Variants in SLC8A1 observed in about 807,000 individuals in gnomAD.
The protein encoded by SLC8A1 is sodium/calcium exchanger 1.
In SLC8A1, 18 loss-of-function variants were observed where a neutral mutation model predicts 68.3. The ratio of observed to expected loss-of-function variants is 0.26; its 90% CI spans 0.18 to 0.39. The LOEUF (loss-of-function observed/expected upper bound fraction) is 0.39. Among genes scored for constraint, SLC8A1 ranks in the 10% least tolerant of loss-of-function variants. The probability of loss-of-function intolerance (pLI) is 1.00; values close to 1 mark genes in which losing one functional copy is unlikely to be tolerated. For synonymous variants in SLC8A1, 475 were observed against 415.5 expected (o/e 1.14, Z -1.74); for missense variants, 985 against 1,156.7 (o/e 0.85, Z 2.15).
chr2:40,241,408 C>T (rs1001953880), intron 2 of SLC8A1, among the ~76,000 whole-genome samples: 4 of 148,628 alleles, frequency 2.7e-5, no homozygotes, highest in African/African-American at 9.9e-5. Context: ...ACCTGAATGA[C>T]GAGATCCACA....
At chr2:40,357,838 G>C (rs1246545747) in intron 2 of SLC8A1, among the ~76,000 whole-genome samples, 1 of 152,032 alleles carries the variant, frequency 6.6e-6, no homozygotes, top group Admixed American at 6.6e-5. Context: ...TACAGTTGAT[G>C]GCTTCTCTCT....
chr2:40,417,577 C>A (rs913543942), intron 2 of SLC8A1, among the ~76,000 whole-genome samples: 1 of 152,084 alleles, frequency 6.6e-6, no homozygotes, highest in African/African-American at 2.4e-5. Context: ...GGTGTGATCA[C>A]AGCTCACTGC....
intron 2 of SLC8A1, among the ~76,000 whole-genome samples, chr2:40,289,148 T>G (rs2068851469): frequency 6.6e-6 from 1 of 152,100 alleles, no homozygotes; most frequent in Non-Finnish European, 1.5e-5. Context: ...CAATATCATT[T>G]TCCCCCTTTG....
At chr2:40,279,455 A>T (rs2149177971) in intron 2 of SLC8A1, among the ~76,000 whole-genome samples, 1 of 152,356 alleles carries the variant, frequency 6.6e-6, no homozygotes, top group Non-Finnish European at 1.5e-5. Flanking sequence ...GATCTTTAGT[A>T]TAAGGAGAAG....
At chr2:40,227,342 T>A (rs2148875993) in intron 2 of SLC8A1, among the ~76,000 whole-genome samples, 1 of 152,226 alleles carries the variant, frequency 6.6e-6, no homozygotes, top group East Asian at 1.9e-4. Context: ...CCACACTCTG[T>A]GATCTCACAG....
intron 5 of SLC8A1, among the ~76,000 whole-genome samples, chr2:40,162,611 G>C (rs566691605): frequency 6.6e-6 from 1 of 152,264 alleles, no homozygotes; most frequent in South Asian, 2.1e-4. Flanking sequence ...AGTATAGCCA[G>C]GGTTCTTCCT....
intron 2 of SLC8A1, among the ~76,000 whole-genome samples, chr2:40,187,163 C>G (rs1487789761): frequency 1.3e-5 from 2 of 152,092 alleles, no homozygotes; most frequent in South Asian, 2.1e-4. Flanking sequence ...ATGGGGCATC[C>G]AAGTCCAGAA....
At chr2:40,368,455 G>A (rs1389446676) in intron 2 of SLC8A1, among the ~76,000 whole-genome samples, 1 of 151,830 alleles carries the variant, frequency 6.6e-6, no homozygotes, top group Non-Finnish European at 1.5e-5. Context: ...TCTGTTTAAT[G>A]TTTTGTATGT....
intron 1 of SLC8A1, among the ~76,000 whole-genome samples, chr2:40,483,363 A>G (rs1704763718): frequency 6.6e-6 from 1 of 152,128 alleles, no homozygotes; most frequent in Admixed American, 6.6e-5. Context: ...CCAGAAGCTT[A>G]TAATCTAATA....
At chr2:40,335,702 A>G (rs1344872866) in intron 2 of SLC8A1, among the ~76,000 whole-genome samples, 2 of 152,258 alleles carry the variant, frequency 1.3e-5, no homozygotes, top group Admixed American at 1.3e-4. Context: ...CTTTGCTACA[A>G]ACTACATAGA....
intron 2 of SLC8A1, among the ~76,000 whole-genome samples, chr2:40,369,529 A>C (rs1488025024): frequency 5.9e-5 from 9 of 152,122 alleles, no homozygotes; most frequent in Admixed American, 5.3e-4. Context: ...TTCATCCACC[A>C]GTTGTCTGTG....
intron 1 of SLC8A1, among the ~76,000 whole-genome samples, chr2:40,481,498 G>A (rs1163390178): frequency 1.3e-5 from 2 of 152,104 alleles, no homozygotes; most frequent in Admixed American, 6.5e-5. Context: ...ACTGTTGTAA[G>A]AATGCAACCA....
At chr2:40,253,260 TATATAC>T (rs945364942) in intron 2 of SLC8A1, among the ~76,000 whole-genome samples, 1 of 150,532 alleles carries the variant, frequency 6.6e-6, no homozygotes, top group African/African-American at 2.4e-5. Flanking sequence ...TATGTATACA[TATATAC>T]ATGTACATAT....
chr2:40,206,247 T>G (rs1431509459), intron 2 of SLC8A1, among the ~76,000 whole-genome samples: 1 of 152,042 alleles, frequency 6.6e-6, no homozygotes, highest in Non-Finnish European at 1.5e-5. Flanking sequence ...CTGTGGACAA[T>G]TATTGAATTT....
intron 2 of SLC8A1, among the ~76,000 whole-genome samples, chr2:40,183,836 T>C (rs936971580): frequency 3.9e-5 from 6 of 152,176 alleles, no homozygotes; most frequent in Non-Finnish European, 5.9e-5. Flanking sequence ...CAAATTCTGC[T>C]TGTGGGAGCC....
intron 2 of SLC8A1, among the ~76,000 whole-genome samples, chr2:40,287,619 T>TGTGTGTGTGTGTGC (rs1218621116): frequency 1.6e-4 from 24 of 148,500 alleles, no homozygotes; most frequent in African/African-American, 5.8e-4. Context: ...TGTGTGTGTG[T>TGTGTGTGTGTGTGC]GCATGCAGGG....
At chr2:40,174,955 A>T in intron 3 of SLC8A1, 113 bp from the exon 5 acceptor site, 1 of 971,316 alleles carries the variant, frequency 1.0e-6, no homozygotes, top group Admixed American at 2.2e-5. Flanking sequence ...AATTATATTT[A>T]CAATTAAGAA....
At chr2:40,172,002 G>T (rs1245955588) in intron 4 of SLC8A1, among the ~76,000 whole-genome samples, 1 of 152,156 alleles carries the variant, frequency 6.6e-6, no homozygotes, top group African/African-American at 2.4e-5. Flanking sequence ...CATATATTCT[G>T]CTTCAAATTT....
chr2:40,110,145 C>T (rs1199098633), exon 8 of SLC8A1: 1 of 152,108 alleles, frequency 6.6e-6, no homozygotes, highest in African/African-American at 2.4e-5. Flanking sequence ...TGGAAACCTG[C>T]AGTGCTTTCC....
Sources: allele counts gnomAD v4.1 joint callset (sites outside exome capture counted in the v4.1 genomes callset), GRCh38; gene constraint gnomAD v4.1.1; transcripts MANE v1.5; gene names NCBI Gene and HGNC (gene_info 2026-07-23, HGNC 2026-07-21).